The following CNTNAP2 variants were observed in gnomAD, a reference collection of about 807,000 sequenced individuals.
CNTNAP2 encodes contactin-associated protein-like 2.
In CNTNAP2, 98 loss-of-function variants were observed where a neutral mutation model predicts 155.2. The observed-to-expected ratio is 0.63, with a 90% CI of 0.54 to 0.75. The LOEUF (loss-of-function observed/expected upper bound fraction) is 0.75. Ranked by LOEUF, CNTNAP2 falls within the 30% of genes least tolerant of loss-of-function variation. The pLI is 0.00. For synonymous variants in CNTNAP2, 651 were observed against 631.2 expected (o/e 1.03, Z -0.47); for missense variants, 1,727 against 1,688.1 (o/e 1.02, Z -0.40).
intron 13 of CNTNAP2, among the ~76,000 whole-genome samples, chr7:147,770,438 A>T (rs1797452348): frequency 6.6e-6 from 1 of 152,252 alleles, no homozygotes; most frequent in Non-Finnish European, 1.5e-5. Context: ...CAAAGAAACT[A>T]AAAAAGTCAT....
At chr7:146,764,587 A>G (rs1802163579) in intron 1 of CNTNAP2, among the ~76,000 whole-genome samples, 1 of 152,002 alleles carries the variant, frequency 6.6e-6, no homozygotes, top group African/African-American at 2.4e-5. Flanking sequence ...TTCAGTAGAT[A>G]ATTTGAAACT....
intron 1 of CNTNAP2, among the ~76,000 whole-genome samples, chr7:146,422,035 A>T (rs1526155): frequency 0.017 from 2,581 of 151,794 alleles, 73 homozygotes; most frequent in African/African-American, 0.058. Context: ...CATCATTTCC[A>T]TATGGGTAAT....
chr7:146,751,554 A>G (rs1034454214), intron 1 of CNTNAP2, among the ~76,000 whole-genome samples: 6 of 152,134 alleles, frequency 3.9e-5, no homozygotes, highest in Non-Finnish European at 8.8e-5. Flanking sequence ...TTATGTTTCT[A>G]ATTTTAAAGA....
chr7:147,153,824 A>C (rs905593653), intron 8 of CNTNAP2, among the ~76,000 whole-genome samples: 1 of 152,176 alleles, frequency 6.6e-6, no homozygotes, highest in African/African-American at 2.4e-5. Context: ...CTGTGCTAAA[A>C]GGTAGATTTT....
chr7:148,030,491 A>T (rs185499625), intron 15 of CNTNAP2, among the ~76,000 whole-genome samples: 2 of 151,964 alleles, frequency 1.3e-5, no homozygotes, highest in South Asian at 4.2e-4. Context: ...GGGAAATTCA[A>T]TGTCAAGGAA....
intron 1 of CNTNAP2, among the ~76,000 whole-genome samples, chr7:146,328,979 T>C (rs147834028): frequency 4.2e-4 from 64 of 152,346 alleles, no homozygotes; most frequent in Non-Finnish European, 4.7e-4. Flanking sequence ...CATGAATAAA[T>C]GTTACAGTGA....
At position 148,415,454 on chromosome 7, in the gene CNTNAP2, C is replaced by T. The variant is rs147111339; in HGVS notation, c.3834C>T (p.Thr1278=). 9.1e-5 allele frequency: 147 copies of T among 1,614,124 alleles called. 1 individual carries two copies. The East Asian group carries it at 3.2e-3, about 35-fold the overall frequency. The change falls in exon 24 of 24, where the codon ACC becomes ACT. Residue 1278 remains threonine (T), a synonymous_variant. Transcript: ENST00000361727. The part of the protein sequence containing the change: ...IAVVIFTILC[T]LVFLIRYMFR... Reference sequence around the variant, plus strand: ...TGGTGATTTTCACCATCCTGTGCACCCTGGTCTTCCTGATCCGGTACATGT... The same window carrying T: ...TGGTGATTTTCACCATCCTGTGCACTCTGGTCTTCCTGATCCGGTACATGT...
intron 9 of CNTNAP2, among the ~76,000 whole-genome samples, chr7:147,333,775 C>T (rs1172817024): frequency 2.0e-5 from 3 of 151,882 alleles, no homozygotes; most frequent in East Asian, 3.9e-4. Context: ...TAAATAATGC[C>T]ATAAGTAATG....
At chr7:146,231,832 C>T (rs1562999504) in intron 1 of CNTNAP2, among the ~76,000 whole-genome samples, 1 of 152,166 alleles carries the variant, frequency 6.6e-6, no homozygotes, top group Non-Finnish European at 1.5e-5. Flanking sequence ...GCACATGTGG[C>T]ACACACTTTT....
intron 8 of CNTNAP2, among the ~76,000 whole-genome samples, chr7:147,167,145 T>C (rs2116467344): frequency 6.6e-6 from 1 of 152,262 alleles, no homozygotes; most frequent in East Asian, 1.9e-4. Flanking sequence ...GAATGGTTAA[T>C]ATCATTGATT....
At chr7:147,476,099 TTTTA>T (rs549850540) in intron 10 of CNTNAP2, among the ~76,000 whole-genome samples, 8 of 151,888 alleles carry the variant, frequency 5.3e-5, no homozygotes, top group African/African-American at 1.7e-4. Context: ...TATTTTTTAT[TTTTA>T]TTTATTTATT....
intron 10 of CNTNAP2, among the ~76,000 whole-genome samples, chr7:147,414,803 A>C (rs938514881): frequency 2.0e-5 from 3 of 151,470 alleles, no homozygotes; most frequent in African/African-American, 7.3e-5. Context: ...TAGCTGGGCG[A>C]GGTGGTGGGC....
chr7:147,518,967 G>C (rs1009855897), intron 11 of CNTNAP2, among the ~76,000 whole-genome samples: 1 of 148,140 alleles, frequency 6.8e-6, no homozygotes, highest in Admixed American at 6.8e-5. Flanking sequence ...GGAGGCGGAG[G>C]TTGCAGTGAG....
intron 21 of CNTNAP2, among the ~76,000 whole-genome samples, chr7:148,305,166 C>T (rs952602998): frequency 7.3e-5 from 10 of 137,362 alleles, no homozygotes; most frequent in South Asian, 4.7e-4. Context: ...GAGACTGCAG[C>T]GAGCTATGAT....
At chr7:148,222,542 C>T (rs1795767596) in intron 19 of CNTNAP2, among the ~76,000 whole-genome samples, 1 of 151,610 alleles carries the variant, frequency 6.6e-6, no homozygotes, top group South Asian at 2.1e-4. Context: ...TTCCATGAAT[C>T]GATGAATGGA....
At chr7:147,611,652 A>G (rs1801188303) in intron 12 of CNTNAP2, among the ~76,000 whole-genome samples, 1 of 152,192 alleles carries the variant, frequency 6.6e-6, no homozygotes, top group South Asian at 2.1e-4. Flanking sequence ...TTGTGAGCTT[A>G]AAAATAATCA....
intron 12 of CNTNAP2, among the ~76,000 whole-genome samples, chr7:147,610,527 G>A (rs1801163452): frequency 6.6e-6 from 1 of 152,106 alleles, no homozygotes; most frequent in Non-Finnish European, 1.5e-5. Context: ...TTTTGGGGTG[G>A]TATTTTCTTA....
At chr7:146,309,910 AAGG>A (rs1177237778) in intron 1 of CNTNAP2, among the ~76,000 whole-genome samples, 1 of 152,112 alleles carries the variant, frequency 6.6e-6, no homozygotes, top group Non-Finnish European at 1.5e-5. Flanking sequence ...TGAACAAAAA[AAGG>A]GGGAATAGAA....
intron 10 of CNTNAP2, among the ~76,000 whole-genome samples, chr7:147,466,262 C>T (rs1798117568): frequency 6.6e-6 from 1 of 152,178 alleles, no homozygotes; most frequent in Non-Finnish European, 1.5e-5. Context: ...CTACAGCATT[C>T]CTTCTTTCAG....
Sources: allele counts gnomAD v4.1 joint callset (sites outside exome capture counted in the v4.1 genomes callset), GRCh38; gene constraint gnomAD v4.1.1; transcripts MANE v1.5; gene names NCBI Gene and HGNC (gene_info 2026-07-23, HGNC 2026-07-21).